NUP155: variants seen among roughly 807,000 people sequenced by gnomAD.
NUP155 encodes the protein nuclear pore complex protein Nup155.
Under a neutral mutation model 180.4 loss-of-function variants are expected in NUP155, and 71 were observed. The observed-to-expected ratio is 0.39, with a 90% CI of 0.33 to 0.48. NUP155 has a LOEUF of 0.48. Ranked by LOEUF, NUP155 falls within the 20% of genes least tolerant of loss-of-function variation. The pLI is 0.91. For missense variants in NUP155, 1,553 were observed against 1,648.9 expected (o/e 0.94, Z 1.01); for synonymous variants, 582 against 559.5 (o/e 1.04, Z -0.57).
At chr5:37,355,967 G>A (rs566889452) in intron 4 of NUP155, among the ~76,000 whole-genome samples, 3 of 151,812 alleles carry the variant, frequency 2.0e-5, no homozygotes, top group African/African-American at 7.2e-5. Context: ...GGTGGCTCAC[G>A]TCTGTAATCC....
chr5:37,333,617 T>C lies in NUP155; in HGVS notation c.1364A>G (p.Asp455Gly). The C allele has an allele frequency of 6.2e-7, 1 of 1,613,532 alleles. No individual in the cohort carries two copies. The highest frequency in any genetic ancestry group is 8.5e-7 in the Non-Finnish European group (1 of 1,179,622). Residue 455 changes from aspartate to glycine, a missense_variant, in exon 13 of 35, where the codon GAT becomes GGT. Transcript: ENST00000231498. ...CGCAGAAAGAGCCCAGGAATGACCA[T>C]CAACACCAGCTGTCATCTATGTAAA... ...MMETQMTAGV[D>G]GHSWALSAID... is the part of the protein sequence containing the mutation.
At position 37,327,788 on chromosome 5, in the gene NUP155, A is replaced by G. The variant is rs1744701172; in HGVS notation, c.1877-12T>C. On this transcript the variant is annotated splice_polypyrimidine_tract_variant and intron_variant, in intron 17 of 34. Coordinates refer to ENST00000231498, the MANE Select transcript of NUP155 (RefSeq NM_153485.3). ...AGGAGGCTGTATACCTTGTACACACATAAGAAAAACAAATCTCTTAATCTT... is the reference window on the plus strand; with the variant it reads ...AGGAGGCTGTATACCTTGTACACACGTAAGAAAAACAAATCTCTTAATCTT... The G allele has an allele frequency of 1.2e-6, 2 of 1,613,706 alleles. No individual in the cohort carries two copies. The highest frequency in any genetic ancestry group is 1.7e-6 in the Non-Finnish European group (2 of 1,179,738).
At chr5:37,296,277 C>T (rs1038174316) in intron 32 of NUP155, among the ~76,000 whole-genome samples, 141 of 152,154 alleles carry the variant, frequency 9.3e-4, no homozygotes, top group Middle Eastern at 6.8e-3. Context: ...GGATGGTTGC[C>T]GTGTCTGTAT....
Position 37,341,189 on chromosome 5 carries a change from T to G in NUP155, c.1147A>C (p.Asn383His), listed in dbSNP as rs751831173. 6.2e-7 allele frequency: 1 copy of G among 1,614,020 alleles called. No individual in the cohort carries two copies. Among genetic ancestry groups the G allele is most frequent in the South Asian group, 1.1e-5 (1 of 91,078 alleles). ...CGGACATGAACCAGCGTCAGTGTAT[T>G]AGGCCGTGCTAATGGCTGTCTGAAT... ...CPFRQPLARP[N>H]TLTLVHVRLP... Residue 383 changes from asparagine to histidine, a missense_variant, in exon 11 of 35, where the codon AAT becomes CAT. Transcript: ENST00000231498.
rs548482719 is a variant in NUP155 at position 37,301,128 on chromosome 5, TG to T, written c.3561+308del. The T allele has an allele frequency of 1.5e-3, 477 of 328,586 alleles. 1 individual carries two copies. The highest frequency in any genetic ancestry group is 9.5e-3 in the African/African-American group (443 of 46,698). The allele number at this position is 328,586 out of a possible 1,614,324, so 20.4% of individuals were successfully genotyped here. A position where few individuals can be genotyped will look rare whatever the true frequency, so the allele number is the denominator to read the frequency against. Reference sequence around the variant, plus strand: ...GTGAGCCACAGTGCCTGGCCTTTTTTGCTATTTTTTTGTAAAGATGAGGTTT... The same window carrying T: ...GTGAGCCACAGTGCCTGGCCTTTTTTCTATTTTTTTGTAAAGATGAGGTTT... On this transcript the variant is annotated intron_variant, in intron 30 of 34. Coordinates refer to ENST00000231498, the MANE Select transcript of NUP155 (RefSeq NM_153485.3).
intron 1 of NUP155, among the ~76,000 whole-genome samples, chr5:37,367,199 C>A (rs1747648001): frequency 6.6e-6 from 1 of 151,974 alleles, no homozygotes; most frequent in Non-Finnish European, 1.5e-5. Flanking sequence ...GTCATGACAC[C>A]ATGCCTAGCT....
intron 20 of NUP155, among the ~76,000 whole-genome samples, chr5:37,322,028 T>C (rs1744278984): frequency 6.6e-6 from 1 of 151,940 alleles, no homozygotes; most frequent in South Asian, 2.1e-4. Flanking sequence ...GCTAGTTTTG[T>C]ATTTTTAGTA....
intron 9 of NUP155, among the ~76,000 whole-genome samples, chr5:37,345,987 A>T (rs1057308293): frequency 6.6e-6 from 1 of 152,000 alleles, no homozygotes; most frequent in African/African-American, 2.4e-5. Flanking sequence ...AAAAAATTCC[A>T]GAAAAAAATT....
At chr5:37,294,005 CAAAAA>C (rs70976294) in intron 33 of NUP155, among the ~76,000 whole-genome samples, 5 of 37,282 alleles carry the variant, frequency 1.3e-4, no homozygotes, top group Non-Finnish European at 1.9e-4. Context: ...GACGCCGTCT[CAAAAA>C]AAAAAAAAAA....
intron 4 of NUP155, 56 bp downstream of exon 4, chr5:37,358,025 C>T (rs1183271109): frequency 8.4e-7 from 1 of 1,193,876 alleles, no homozygotes; most frequent in South Asian, 1.2e-5. Context: ...CAGGTCTATA[C>T]CATTTGGAGT....
At position 37,342,388 on chromosome 5, in the gene NUP155, G is replaced by T. The variant is rs575071391; in HGVS notation, c.1093+161C>A. 6.5e-5 allele frequency: 38 copies of T among 584,298 alleles called. No homozygotes were observed. The Admixed American group carries it at 7.6e-4, about 12-fold the overall frequency. The allele number at this position is 584,298 out of a possible 1,614,324, so 36.2% of individuals were successfully genotyped here. A position where few individuals can be genotyped will look rare whatever the true frequency, so the allele number is the denominator to read the frequency against. On this transcript the variant is annotated intron_variant, in intron 10 of 34. Transcript: ENST00000231498. Reference sequence around the variant, plus strand: ...TCTATAAAATGAAGAAACAGAATTAGAAAAATCTCCCAGTTTTCAAAATCC... The same window carrying T: ...TCTATAAAATGAAGAAACAGAATTATAAAAATCTCCCAGTTTTCAAAATCC...
At chr5:37,346,108 C>T (rs969943656) in intron 9 of NUP155, among the ~76,000 whole-genome samples, 38 of 151,626 alleles carry the variant, frequency 2.5e-4, no homozygotes, top group Non-Finnish European at 1.0e-4. Context: ...TAGCAAGACC[C>T]CAGGTCTACT....
chr5:37,322,629 C>T (rs1370115273), intron 20 of NUP155, among the ~76,000 whole-genome samples: 1 of 150,992 alleles, frequency 6.6e-6, no homozygotes, highest in African/African-American at 2.4e-5. Context: ...ATGGCATGAA[C>T]CCGGGAGGCG....
chr5:37,305,705 AC>A (rs1181332362), intron 25 of NUP155, among the ~76,000 whole-genome samples: 1 of 151,878 alleles, frequency 6.6e-6, no homozygotes, highest in Admixed American at 6.6e-5. Flanking sequence ...AAAAAACAAA[AC>A]AAAACGAAAC....
At chr5:37,323,907 G>A in intron 20 of NUP155, 85 bp downstream of exon 20, 2 of 920,902 alleles carry the variant, frequency 2.2e-6, no homozygotes, top group Non-Finnish European at 3.5e-6. Flanking sequence ...ACTTTAAAAG[G>A]ACCAACTTTG....
intron 7 of NUP155, 124 bp downstream of exon 7, chr5:37,350,036 A>T (rs1730763829): frequency 1.3e-6 from 1 of 746,892 alleles, no homozygotes; most frequent in South Asian, 1.5e-5. Context: ...TTATGAATAT[A>T]TAAGAAATGC....
intron 21 of NUP155, 99 bp from the exon 22 acceptor site, chr5:37,314,427 C>T (rs911156130): frequency 1.6e-5 from 14 of 885,596 alleles, no homozygotes; most frequent in Non-Finnish European, 1.8e-5. Flanking sequence ...CTGTTGTTTT[C>T]TTCCTAGCCC....
intron 27 of NUP155, among the ~76,000 whole-genome samples, chr5:37,304,177 G>A (rs891184066): frequency 1.3e-5 from 2 of 148,792 alleles, no homozygotes; most frequent in East Asian, 4.0e-4. Flanking sequence ...TGGAACCCGG[G>A]AGGCGGAGGT....
At chr5:37,360,796 G>A (rs577986669) in intron 3 of NUP155, among the ~76,000 whole-genome samples, 13 of 149,460 alleles carry the variant, frequency 8.7e-5, no homozygotes, top group African/African-American at 2.7e-4. Flanking sequence ...AGGGGGGGGG[G>A]TCCAGGCGCA....
Sources: allele counts gnomAD v4.1 joint callset (sites outside exome capture counted in the v4.1 genomes callset), GRCh38; gene constraint gnomAD v4.1.1; transcripts MANE v1.5; gene names NCBI Gene and HGNC (gene_info 2026-07-23, HGNC 2026-07-21).